The following INPP5A variants were observed in gnomAD, a reference collection of about 807,000 sequenced individuals.
INPP5A encodes inositol polyphosphate-5-phosphatase A.
A neutral mutation model predicts 65.2 loss-of-function variants in INPP5A; 14 were observed. The observed-to-expected ratio is 0.21, with a 90% CI of 0.14 to 0.34. The LOEUF is 0.34. Ranked by LOEUF, INPP5A falls within the 10% of genes least tolerant of loss-of-function variation. The pLI is 1.00. For missense variants in INPP5A, 431 were observed against 545.6 expected, an observed-to-expected ratio of 0.79 and a Z score of 2.09; for synonymous variants, 207 against 208.3, an observed-to-expected ratio of 0.99 and a Z score of 0.05.
intron 1 of INPP5A, among the ~76,000 whole-genome samples, chr10:132,598,240 G>A (rs186937028): frequency 1.3e-5 from 2 of 152,232 alleles, no homozygotes; most frequent in African/African-American, 2.4e-5. Context: ...TTTTTAATGC[G>A]GTAAAATGGG....
At chr10:132,756,210 T>C (rs946227429) in intron 11 of INPP5A, among the ~76,000 whole-genome samples, 12 of 152,128 alleles carry the variant, frequency 7.9e-5, no homozygotes, top group African/African-American at 2.9e-4. Flanking sequence ...TGCGTGTACA[T>C]GTGTGCACTT....
chr10:132,607,666 C>T (rs568327935), intron 1 of INPP5A, among the ~76,000 whole-genome samples: 25 of 152,362 alleles, frequency 1.6e-4, no homozygotes, highest in Admixed American at 6.5e-4. Context: ...CGACGCTGCC[C>T]GAGCTTTCCT....
At chr10:132,579,988 G>A (rs943454226) in intron 1 of INPP5A, among the ~76,000 whole-genome samples, 3 of 150,736 alleles carry the variant, frequency 2.0e-5, no homozygotes, top group African/African-American at 7.3e-5. Context: ...ATACTGGAGT[G>A]GAGTCTGCCC....
At chr10:132,662,703 G>A (rs969907465) in intron 4 of INPP5A, among the ~76,000 whole-genome samples, 8 of 152,124 alleles carry the variant, frequency 5.3e-5, no homozygotes, top group African/African-American at 1.4e-4. Flanking sequence ...GATGCTGGAC[G>A]GAAGGCAGCT....
intron 2 of INPP5A, among the ~76,000 whole-genome samples, chr10:132,642,593 C>T (rs1331393068): frequency 6.6e-6 from 1 of 152,256 alleles, no homozygotes. Flanking sequence ...CCCCTCTCCT[C>T]CCCTGTCACT....
chr10:132,729,901 G>T (rs1288257232), intron 9 of INPP5A, among the ~76,000 whole-genome samples: 1 of 152,230 alleles, frequency 6.6e-6, no homozygotes, highest in African/African-American at 2.4e-5. Context: ...TCTCCTGAGA[G>T]TCAGTAAAGA....
intron 1 of INPP5A, among the ~76,000 whole-genome samples, chr10:132,553,265 T>G (rs2071078565): frequency 8.6e-6 from 1 of 115,754 alleles, no homozygotes; most frequent in African/African-American, 3.5e-5. Context: ...GGAGGATTGG[T>G]GAACGCCTTC....
chr10:132,632,486 A>C (rs1343598243), intron 2 of INPP5A, among the ~76,000 whole-genome samples: 2 of 152,200 alleles, frequency 1.3e-5, no homozygotes, highest in Non-Finnish European at 1.5e-5. Flanking sequence ...TCAGGAAGGC[A>C]TGTGCCGAAG....
At chr10:132,710,018 G>A (rs1009929634) in intron 7 of INPP5A, among the ~76,000 whole-genome samples, 1 of 152,262 alleles carries the variant, frequency 6.6e-6, no homozygotes, top group Non-Finnish European at 1.5e-5. Context: ...TGAGGCTGAG[G>A]GGTGGCCCTT....
rs2072577744 is a variant in INPP5A, at chr10:132,651,585, G to A, written c.306+1080G>A. Among the ~76,000 whole-genome samples the A allele has an allele frequency of 6.6e-6, 1 of 152,176 alleles. No homozygotes were observed. Among genetic ancestry groups the A allele is most frequent in the Non-Finnish European group, 1.5e-5 (1 of 68,022 alleles). ...CTCTGGCCTTCTGTCCCCAGCATCA[G>A]CGCCCACTAGCCGTCATTGCGCCGT... On this transcript the variant is annotated intron_variant, in intron 4 of 15. Transcript: ENST00000368594. The surrounding 1 kb of genome is among the most constrained non-coding windows in gnomAD (Gnocchi z 5.0).
intron 1 of INPP5A, among the ~76,000 whole-genome samples, chr10:132,544,998 G>A (rs2133244700): frequency 6.6e-6 from 1 of 152,312 alleles, no homozygotes; most frequent in East Asian, 1.9e-4. Flanking sequence ...CACCCAGATC[G>A]ACCTGTCGGG....
chr10:132,606,300 G>A (rs938664193), intron 1 of INPP5A, among the ~76,000 whole-genome samples: 4 of 152,070 alleles, frequency 2.6e-5, no homozygotes, highest in Admixed American at 6.5e-5. Flanking sequence ...GCGGGACAGC[G>A]GCGTGGGTCA....
intron 8 of INPP5A, among the ~76,000 whole-genome samples, chr10:132,711,448 G>A (rs1845635428): frequency 6.6e-6 from 1 of 151,478 alleles, no homozygotes; most frequent in South Asian, 2.1e-4. Context: ...TGACAAGACA[G>A]TGCTCCGTCA....
At chr10:132,734,950 C>G (rs868808002) in intron 9 of INPP5A, among the ~76,000 whole-genome samples, 1 of 152,188 alleles carries the variant, frequency 6.6e-6, no homozygotes, top group Non-Finnish European at 1.5e-5. Flanking sequence ...GGCAGAGCAG[C>G]TGTGTGGTGA....
At chr10:132,667,459 G>A (rs1191494860) in intron 4 of INPP5A, among the ~76,000 whole-genome samples, 4 of 152,130 alleles carry the variant, frequency 2.6e-5, no homozygotes, top group East Asian at 1.9e-4. Flanking sequence ...ATCAAATTGC[G>A]TTATCCTCTT....
chr10:132,748,688 C>G (rs2134634761), intron 9 of INPP5A, among the ~76,000 whole-genome samples: 1 of 152,392 alleles, frequency 6.6e-6, no homozygotes, highest in South Asian at 2.1e-4. Flanking sequence ...AGGACCGTGC[C>G]TCCTGGAGCA....
At chr10:132,612,084 G>GGA (rs1564934318) in intron 2 of INPP5A, among the ~76,000 whole-genome samples, 1 of 114,266 alleles carries the variant, frequency 8.8e-6, no homozygotes, top group Non-Finnish European at 1.8e-5. Flanking sequence ...CTGTCAGAGA[G>GGA]GGGAGAGGGA....
At position 132,637,484 on chromosome 10, in the gene INPP5A, G is replaced by T. The variant is rs925011130; in HGVS notation, c.118-8384G>T. The stretch of plus-strand genomic sequence containing the variant: ...GTTAGGTGTTTCGGGTGTCCTTTGG[G>T]TCCCTGATCCTCCAAATGTTCCTCC... On this transcript the variant is annotated intron_variant, in intron 2 of 15. Coordinates refer to ENST00000368594, the MANE Select transcript of INPP5A (RefSeq NM_005539.5). The surrounding 1 kb of genome is among the most constrained non-coding windows in gnomAD (Gnocchi z 4.1). Among the ~76,000 whole-genome samples, 1 of 151,406 alleles carries T rather than the reference G, an allele frequency of 6.6e-6. No homozygotes were observed. The highest frequency in any genetic ancestry group is 6.6e-5 in the Admixed American group (1 of 15,240).
intron 4 of INPP5A, among the ~76,000 whole-genome samples, chr10:132,670,159 C>T (rs1396863596): frequency 1.4e-5 from 2 of 143,984 alleles, no homozygotes; most frequent in Non-Finnish European, 3.0e-5. Context: ...TCTGACTGCG[C>T]ACTCCCAGAA....
Sources: gnomAD v4.1 joint callset for allele counts (sites outside exome capture counted in the v4.1 genomes callset) on GRCh38, gnomAD v4.1.1 for gene constraint, Gnocchi (gnomAD v3.1) non-coding constraint, MANE v1.5 for transcripts, NCBI Gene and HGNC (gene_info 2026-07-23, HGNC 2026-07-21) for gene names.